TPRG1: variants seen among roughly 807,000 people sequenced by gnomAD.
The protein encoded by TPRG1 is tumor protein p63-regulated gene 1 protein.
Under a neutral mutation model 29.3 loss-of-function variants are expected in TPRG1, and 29 were observed. That is an observed-to-expected ratio of 0.99 (90% CI 0.74 to 1.35). The LOEUF (loss-of-function observed/expected upper bound fraction) is 1.35, where lower values mean the gene tolerates loss of function less well. Ranked by LOEUF, TPRG1 falls within the 40% of genes most tolerant of loss-of-function variation. The probability of loss-of-function intolerance (pLI) is 0.00; values close to 1 mark genes in which losing one functional copy is unlikely to be tolerated. For missense variants in TPRG1, 327 were observed against 335.0 expected, an observed-to-expected ratio of 0.98 and a Z score of 0.19; for synonymous variants, 130 against 116.8, an observed-to-expected ratio of 1.11 and a Z score of -0.73.
intron 4 of TPRG1, among the ~76,000 whole-genome samples, chr3:189,057,950 G>GTA (rs1256269184): frequency 6.6e-6 from 1 of 150,572 alleles, no homozygotes; most frequent in East Asian, 2.0e-4. Context: ...TATATTGTGT[G>GTA]TATATATATG....
rs575251676 is a variant in TPRG1, at chr3:189,275,426, G to A, written c.480-34960G>A. Reference sequence around the variant, plus strand: ...AGTGGAGACGAATTGACAATAAAGAGAATTCATACAGTTGTGACTGCATCT... The same window carrying A: ...AGTGGAGACGAATTGACAATAAAGAAAATTCATACAGTTGTGACTGCATCT... On this transcript the variant is annotated intron_variant, in intron 4 of 5. Transcript: ENST00000345063. Among the ~76,000 whole-genome samples the A allele has an allele frequency of 7.2e-5, 11 of 152,230 alleles. No homozygotes were observed. In the East Asian group the frequency reaches 1.9e-3, roughly 27 times the overall value.
chr3:189,042,905 C>A (rs779295704), intron 4 of TPRG1, among the ~76,000 whole-genome samples: 4 of 152,110 alleles, frequency 2.6e-5, no homozygotes, highest in Non-Finnish European at 5.9e-5. Context: ...GTCAAGGAAA[C>A]CCTGGTCTCA....
At chr3:189,270,896 GATA>G (rs200761763) in intron 4 of TPRG1, among the ~76,000 whole-genome samples, 1 of 151,816 alleles carries the variant, frequency 6.6e-6, no homozygotes, top group South Asian at 2.1e-4. Flanking sequence ...TCAAAATAAT[GATA>G]ATAATAATAA....
chr3:189,245,024 G>T (rs150194718), intron 4 of TPRG1, among the ~76,000 whole-genome samples: 1 of 152,014 alleles, frequency 6.6e-6, no homozygotes, highest in Non-Finnish European at 1.5e-5. Context: ...GAGTTCAAGC[G>T]ATTCTCCTGC....
At chr3:189,173,862 C>T (rs1729145893) in intron 1 of TPRG1, among the ~76,000 whole-genome samples, 1 of 152,116 alleles carries the variant, frequency 6.6e-6, no homozygotes, top group Non-Finnish European at 1.5e-5. Context: ...TTGACCTTTG[C>T]TTAGCATCTA....
rs71169040 is a variant in TPRG1 at position 189,312,117 on chromosome 3, GTTTCTTTCTTTC to G, written c.633+1634_633+1645del. Among the ~76,000 whole-genome samples, 180 of 61,346 alleles carry G rather than the reference GTTTCTTTCTTTC, an allele frequency of 2.9e-3. 3 individuals carry two copies. The highest frequency in any genetic ancestry group is 0.013 in the South Asian group (28 of 2,104). The allele number at this position is 61,346 out of a possible 152,430, so 40.2% of individuals were successfully genotyped here. On this transcript the variant is annotated intron_variant, in intron 5 of 5. Coordinates refer to ENST00000345063, the MANE Select transcript of TPRG1 (RefSeq NM_198485.4). ...TCTTTGTTTCTTTGTTTCTTTCTTTGTTTCTTTCTTTCTTTCTTTCTTTCTTTCTTTCTTTCT... is the reference window on the plus strand; with the variant it reads ...TCTTTGTTTCTTTGTTTCTTTCTTTGTTTCTTTCTTTCTTTCTTTCTTTCT...
At chr3:189,090,536 T>G (rs1244883792) in intron 4 of TPRG1, among the ~76,000 whole-genome samples, 3 of 152,088 alleles carry the variant, frequency 2.0e-5, no homozygotes, top group African/African-American at 7.2e-5. Flanking sequence ...TTTATCATAG[T>G]TTTTTATTTA....
chr3:189,083,749 G>A (rs1429522444), intron 4 of TPRG1, among the ~76,000 whole-genome samples: 1 of 152,212 alleles, frequency 6.6e-6, no homozygotes, highest in African/African-American at 2.4e-5. Context: ...ATAAGTATAT[G>A]TTGCCTGTGA....
At chr3:189,174,311 C>G (rs1431823199) in intron 1 of TPRG1, among the ~76,000 whole-genome samples, 2 of 152,068 alleles carry the variant, frequency 1.3e-5, no homozygotes, top group Admixed American at 6.6e-5. Flanking sequence ...TGTAAAAAAT[C>G]CAGATATCTT....
intron 5 of TPRG1, among the ~76,000 whole-genome samples, chr3:189,165,792 A>G (rs934749591): frequency 7.9e-5 from 12 of 152,190 alleles, no homozygotes; most frequent in African/African-American, 2.9e-4. Context: ...AAAGGGGGAA[A>G]GAATCCAAAA....
intron 1 of TPRG1, chr3:189,120,177 T>C (rs1472955806): frequency 6.6e-6 from 1 of 152,194 alleles, no homozygotes; most frequent in Non-Finnish European, 1.5e-5. Flanking sequence ...GTGGGGAGGC[T>C]GTGTTGTTTG....
At chr3:189,122,321 T>C (rs1721924908) in intron 1 of TPRG1, among the ~76,000 whole-genome samples, 1 of 152,232 alleles carries the variant, frequency 6.6e-6, no homozygotes, top group Non-Finnish European at 1.5e-5. Context: ...ACAAGATGCA[T>C]ACCAGAAGCT....
At chr3:189,030,825 C>T (rs1051335026) in intron 4 of TPRG1, among the ~76,000 whole-genome samples, 1 of 152,136 alleles carries the variant, frequency 6.6e-6, no homozygotes, top group African/African-American at 2.4e-5. Context: ...TGTCACTATC[C>T]CATTTTACAG....
At position 189,250,504 on chromosome 3, in the gene TPRG1, G is replaced by GCCCCAC. The variant is rs768716080; in HGVS notation, c.479+11599_479+11600insACCCCC. Among the ~76,000 whole-genome samples, 178 of 23,592 alleles carry GCCCCAC rather than the reference G, an allele frequency of 7.5e-3. 7 individuals carry two copies. The highest frequency in any genetic ancestry group is 0.014 in the South Asian group (6 of 428). The allele number at this position is 23,592 out of a possible 152,430, so 15.5% of individuals were successfully genotyped here. Reference sequence around the variant, plus strand: ...CAGGTGTTAACAAGTTCTGATTTCCGCCCCCCCCCCCCCACCCAGATTAAA... The same window carrying GCCCCAC: ...CAGGTGTTAACAAGTTCTGATTTCCGCCCCACCCCCCCCCCCCCCACCCAGATTAAA... On this transcript the variant is annotated intron_variant, in intron 4 of 5. Coordinates refer to ENST00000345063, the MANE Select transcript of TPRG1 (RefSeq NM_198485.4).
At chr3:189,298,173 A>T (rs1417944012) in intron 4 of TPRG1, among the ~76,000 whole-genome samples, 2 of 152,206 alleles carry the variant, frequency 1.3e-5, no homozygotes, top group Admixed American at 1.3e-4. Flanking sequence ...ATTTCAGGAA[A>T]CATTGGCATT....
chr3:189,098,175 G>A (rs561313011), upstream of TPRG1, among the ~76,000 whole-genome samples: 7 of 152,242 alleles, frequency 4.6e-5, no homozygotes, highest in Admixed American at 2.6e-4. Flanking sequence ...AAAGAGAGCC[G>A]GGTAGGGAAA....
chr3:189,026,275 G>A (rs920842613), intron 4 of TPRG1, among the ~76,000 whole-genome samples: 5 of 152,156 alleles, frequency 3.3e-5, no homozygotes, highest in African/African-American at 1.2e-4. Flanking sequence ...GTGAGAAAAC[G>A]ACAGAGAGAG....
chr3:189,237,280 C>T (rs1330827599), intron 3 of TPRG1, among the ~76,000 whole-genome samples: 3 of 152,020 alleles, frequency 2.0e-5, no homozygotes, highest in African/African-American at 7.3e-5. Context: ...CACACATACA[C>T]ACACATGCAC....
rs563699202 is a variant in TPRG1, at chr3:189,314,525, G to A, written c.633+3986G>A. Among the ~76,000 whole-genome samples the A allele has an allele frequency of 3.9e-5, 6 of 152,072 alleles. No homozygotes were observed. The South Asian group carries it at 1.0e-3, about 26-fold the overall frequency. On this transcript the variant is annotated intron_variant, in intron 5 of 5. Coordinates refer to ENST00000345063, the MANE Select transcript of TPRG1 (RefSeq NM_198485.4). ...TAACTCTATACCACTTCCACATCTG[G>A]CAGATATGGTGGTCAAATGGCCTTT...
Sources: gnomAD v4.1 joint callset for allele counts (sites outside exome capture counted in the v4.1 genomes callset) on GRCh38, gnomAD v4.1.1 for gene constraint, MANE v1.5 for transcripts, NCBI Gene and HGNC (gene_info 2026-07-23, HGNC 2026-07-21) for gene names.